Variants in CACNA1G observed in about 807,000 individuals in gnomAD.
CACNA1G encodes the protein calcium voltage-gated channel subunit alpha1 G.
In CACNA1G, 67 loss-of-function variants were observed where a neutral mutation model predicts 219.4. The ratio of observed to expected loss-of-function variants is 0.31; its 90% CI spans 0.25 to 0.37. The LOEUF is 0.37. CACNA1G is among the 10% of genes least tolerant of loss of function. The pLI is 1.00. For synonymous variants in CACNA1G, 1,296 were observed against 1,345.3 expected (o/e 0.96, Z 0.80); for missense variants, 2,380 against 3,231.4 (o/e 0.74, Z 6.39).
intron 9 of CACNA1G, among the ~76,000 whole-genome samples, chr17:50,579,557 G>A (rs1398840657): frequency 1.3e-4 from 20 of 152,072 alleles, no homozygotes; most frequent in Admixed American, 1.3e-3. Context: ...GGTCACCCCT[G>A]TGGCTGATTC....
At chr17:50,601,296 A>G (rs922200450) in intron 19 of CACNA1G, 122 bp downstream of exon 19, 23 of 1,228,618 alleles carry the variant, frequency 1.9e-5, no homozygotes, top group Non-Finnish European at 2.5e-5. Context: ...CGAGGGGGCC[A>G]GGACTCTCCT....
intron 9 of CACNA1G, among the ~76,000 whole-genome samples, chr17:50,581,474 G>A (rs574004902): frequency 1.5e-4 from 23 of 152,154 alleles, no homozygotes; most frequent in Middle Eastern, 6.8e-3. Flanking sequence ...GGCCGTCACC[G>A]CTGCCCTCCC....
At position 50,606,318 on chromosome 17, in the gene CACNA1G, G is replaced by A. The variant is rs536728007; in HGVS notation, c.4422+295G>A. 1.2e-4 allele frequency: 77 copies of A among 662,926 alleles called. No individual in the cohort carries two copies. In the East Asian group the frequency reaches 1.9e-3, roughly 16 times the overall value. The allele number at this position is 662,926 out of a possible 1,614,324, so 41.1% of individuals were successfully genotyped here. On this transcript the variant is annotated intron_variant, in intron 23 of 37. Coordinates refer to ENST00000359106, the MANE Select transcript of CACNA1G (RefSeq NM_018896.5). ...CTACATGGTGGAGCAGGAAGCACAC[G>A]TGGCAGTGGGGGCAGGCAGCCCTGG...
intron 22 of CACNA1G, among the ~76,000 whole-genome samples, chr17:50,604,999 G>A (rs2047650920): frequency 6.6e-6 from 1 of 151,952 alleles, no homozygotes. Context: ...GCCCTGGGTT[G>A]GGGGCTGTTC....
Position 50,591,733 on chromosome 17 carries a change from C to T in CACNA1G, c.2640-6C>T. On this transcript the variant is annotated splice_polypyrimidine_tract_variant and splice_region_variant and intron_variant, in intron 11 of 37. Coordinates refer to ENST00000359106, the MANE Select transcript of CACNA1G (RefSeq NM_018896.5). ...TCCCTAGCTTGTGGCCCCCTTGTGCCCACAGCATCCTGGGCATGCATCTCT... is the reference window on the plus strand; with the variant it reads ...TCCCTAGCTTGTGGCCCCCTTGTGCTCACAGCATCCTGGGCATGCATCTCT... 2 of 1,613,674 alleles carry T rather than the reference C, an allele frequency of 1.2e-6. No homozygotes were observed. The highest frequency in any genetic ancestry group is 1.7e-6 in the Non-Finnish European group (2 of 1,179,586).
At chr17:50,602,383 G>T (rs2046894332) in intron 19 of CACNA1G, among the ~76,000 whole-genome samples, 1 of 152,242 alleles carries the variant, frequency 6.6e-6, no homozygotes, top group South Asian at 2.1e-4. Context: ...CAGGACCCCA[G>T]CTTCCACTGC....
chr17:50,604,954 C>T (rs1406983044), intron 22 of CACNA1G, among the ~76,000 whole-genome samples: 1 of 152,186 alleles, frequency 6.6e-6, no homozygotes, highest in Admixed American at 6.5e-5. Flanking sequence ...CCCTCCCCGC[C>T]CCTCGTTCCC....
rs1184513921 is a variant in CACNA1G at position 50,571,437 on chromosome 17, C to T, written c.587-441C>T. 1.3e-5 allele frequency among the ~76,000 whole-genome samples: 2 copies of T among 151,956 alleles called. No homozygotes were observed. The highest frequency in any genetic ancestry group is 1.9e-4 in the East Asian group (1 of 5,194). On this transcript the variant is annotated intron_variant, in intron 4 of 37. Transcript: ENST00000359106. This position sits in a 1 kb window ranked among gnomAD's most constrained non-coding sequence, Gnocchi z 4.3. ...TAGGGAGTGTGCGTGTGAATGTGTGCGGGTGTGGGTGTGTGTTGGAGAGGG... is the reference window on the plus strand; with the variant it reads ...TAGGGAGTGTGCGTGTGAATGTGTGTGGGTGTGGGTGTGTGTTGGAGAGGG...
rs2146470560 is a variant in CACNA1G, at chr17:50,624,345, T to TGCC, written c.6230-15_6230-14insGCC. The TGCC allele has an allele frequency of 3.5e-6, 4 of 1,132,408 alleles. No homozygotes were observed. Among genetic ancestry groups the TGCC allele is most frequent in the Non-Finnish European group, 3.7e-6 (3 of 806,884 alleles). The allele number at this position is 1,132,408 out of a possible 1,614,324, so 70.1% of individuals were successfully genotyped here. On this transcript the variant is annotated splice_polypyrimidine_tract_variant and intron_variant, in intron 36 of 37. Coordinates refer to ENST00000359106, the MANE Select transcript of CACNA1G (RefSeq NM_018896.5). ...TCTCTCCCCCCACCCCTCCCCCGCT[T>TGCC]CCCTCCCTCCACAGGCTCCGTCTTG...
intron 1 of CACNA1G, chr17:50,562,006 C>T: frequency 2.9e-6 from 1 of 341,600 alleles, no homozygotes; most frequent in South Asian, 4.3e-5. Context: ...CAGCTGGACG[C>T]CCTCCAGATG....
chr17:50,587,936 G>A (rs572667998), intron 9 of CACNA1G, among the ~76,000 whole-genome samples: 61 of 152,244 alleles, frequency 4.0e-4, no homozygotes, highest in African/African-American at 1.4e-3. Flanking sequence ...GGATAACATC[G>A]GGGAGTGAAG....
At position 50,572,560 on chromosome 17, in the gene CACNA1G, G is replaced by C; in HGVS notation, c.753G>C (p.Leu251=). 1.3e-6 allele frequency: 2 copies of C among 1,540,096 alleles called. No homozygotes were observed. Among genetic ancestry groups the C allele is most frequent in the Non-Finnish European group, 1.8e-6 (2 of 1,141,408 alleles). The change falls in exon 6 of 38, where the codon CTG becomes CTC. Residue 251 remains leucine (L), a synonymous_variant. Transcript: ENST00000359106. ...CFLPENFSLP[L]SVDLERYYQT... is the part of the protein sequence containing the mutation. ...TCCCCTTCCCATCCTGCAGCCCCCT[G>C]AGCGTGGACCTGGAGCGCTATTACC...
Position 50,626,946 on chromosome 17 carries a change from G to T in CACNA1G, c.*195G>T. The T allele has an allele frequency of 1.3e-6, 1 of 745,822 alleles. No homozygotes were observed. Among genetic ancestry groups the T allele is most frequent in the Non-Finnish European group, 2.4e-6 (1 of 424,614 alleles). The allele number at this position is 745,822 out of a possible 1,614,324, so 46.2% of individuals were successfully genotyped here. On this transcript the variant is annotated 3_prime_UTR_variant, in exon 38 of 38. Coordinates refer to ENST00000359106, the MANE Select transcript of CACNA1G (RefSeq NM_018896.5). The surrounding 1 kb of genome is among the most constrained non-coding windows in gnomAD (Gnocchi z 4.3). ...AAAAGCAGCAGCCCCGGCAACTCTG[G>T]CTCCAGGCAGAAGGAGAGGCCCGGT...
At chr17:50,573,156 G>A (rs1420070562) in intron 7 of CACNA1G, 43 bp downstream of exon 7, 1 of 1,416,026 alleles carries the variant, frequency 7.1e-7, no homozygotes, top group Non-Finnish European at 9.8e-7. Context: ...GCGATCCTGG[G>A]GACACCTGTG....
Position 50,591,434 on chromosome 17 carries a change from G to A in CACNA1G, c.2454-1G>A. 6.4e-7 allele frequency: 1 copy of A among 1,562,084 alleles called. No individual in the cohort carries two copies. Among genetic ancestry groups the A allele is most frequent in the Non-Finnish European group, 8.6e-7 (1 of 1,156,234 alleles). ...GCTCAGGCTGCCTGCCCCCTTTGCAGCGTGTGGGAGATCGTGGGCCAGCAG... is the reference window on the plus strand; with the variant it reads ...GCTCAGGCTGCCTGCCCCCTTTGCAACGTGTGGGAGATCGTGGGCCAGCAG... On this transcript the variant is annotated splice_acceptor_variant, in intron 10 of 37. Coordinates refer to ENST00000359106, the MANE Select transcript of CACNA1G (RefSeq NM_018896.5). LOFTEE classifies it high-confidence loss of function.
intron 16 of CACNA1G, among the ~76,000 whole-genome samples, chr17:50,597,759 C>G (rs554415636): frequency 1.3e-5 from 2 of 152,206 alleles, no homozygotes; most frequent in Admixed American, 6.5e-5. Context: ...ACTGAAACTT[C>G]GTATCCTTTG....
intron 26 of CACNA1G, among the ~76,000 whole-genome samples, chr17:50,612,292 C>T (rs745349373): frequency 6.6e-6 from 1 of 152,210 alleles, no homozygotes. Flanking sequence ...CCAGCAGGGG[C>T]GGGAGAGCCA....
At chr17:50,611,128 C>T (rs2049103066) in intron 26 of CACNA1G, among the ~76,000 whole-genome samples, 1 of 152,044 alleles carries the variant, frequency 6.6e-6, no homozygotes, top group Admixed American at 6.5e-5. Flanking sequence ...GTGGCATACG[C>T]CTGTAATCCC....
intron 9 of CACNA1G, among the ~76,000 whole-genome samples, chr17:50,583,904 G>A (rs1266321990): frequency 6.6e-6 from 1 of 152,138 alleles, no homozygotes; most frequent in Non-Finnish European, 1.5e-5. Flanking sequence ...CAGATCAGAG[G>A]CAAAGAGGGC....
Sources: gnomAD v4.1 joint callset for allele counts (sites outside exome capture counted in the v4.1 genomes callset) on GRCh38, gnomAD v4.1.1 for gene constraint, Gnocchi (gnomAD v3.1) non-coding constraint, MANE v1.5 for transcripts, NCBI Gene and HGNC (gene_info 2026-07-23, HGNC 2026-07-21) for gene names.